WDR48: variants seen among roughly 807,000 people sequenced by gnomAD.
WDR48 encodes WD repeat domain 48.
WDR48 carries 22 observed loss-of-function variants against 94.0 expected under a neutral mutation model. The ratio of observed to expected loss-of-function variants is 0.23; its 90% CI spans 0.17 to 0.33. The LOEUF is 0.33. WDR48 is among the 10% of genes least tolerant of loss of function. WDR48 has a pLI of 1.00. For missense variants in WDR48, 541 were observed against 813.8 expected (o/e 0.66, Z 4.08); for synonymous variants, 278 against 280.5 (o/e 0.99, Z 0.09).
intron 7 of WDR48, among the ~76,000 whole-genome samples, chr3:39,070,896 T>C (rs1179973708): frequency 1.3e-5 from 2 of 152,092 alleles, no homozygotes; most frequent in East Asian, 1.9e-4. Context: ...TGTGTTCTTA[T>C]TGTTCAGTTC....
In WDR48 at chr3:39,080,035, A is replaced by G. The variant is rs573460696; in HGVS notation, c.1173+227A>G. 3.3e-3 allele frequency among the ~76,000 whole-genome samples: 506 copies of G among 152,156 alleles called. 2 individuals are homozygous for G. The highest frequency in any genetic ancestry group is 8.6e-3 in the Admixed American group (131 of 15,294). ...TTTCTCTGGTTAGTGTATTGCAGAC[A>G]ATCTTATATGCTGCCTTACCTTAAA... On this transcript the variant is annotated intron_variant, in intron 11 of 18. Coordinates refer to ENST00000302313, the MANE Select transcript of WDR48 (RefSeq NM_020839.4).
At chr3:39,053,807 A>G (rs972664760) in intron 1 of WDR48, among the ~76,000 whole-genome samples, 1 of 152,230 alleles carries the variant, frequency 6.6e-6, no homozygotes, top group East Asian at 1.9e-4. Flanking sequence ...AATTAACTGC[A>G]GCAGGTTTGG....
chr3:39,062,040 C>A (rs983038668), intron 1 of WDR48, among the ~76,000 whole-genome samples: 4 of 152,110 alleles, frequency 2.6e-5, no homozygotes, highest in African/African-American at 9.7e-5. Context: ...AATTTTCTCC[C>A]ATTCTGTAGG....
chr3:39,052,724 T>G (rs2032541390), intron 1 of WDR48: 1 of 152,402 alleles, frequency 6.6e-6, no homozygotes, highest in African/African-American at 2.4e-5. Context: ...CTTTATTGTT[T>G]GTGTAATTTA....
At chr3:39,065,517 G>C (rs1393851484) in intron 2 of WDR48, among the ~76,000 whole-genome samples, 1 of 151,134 alleles carries the variant, frequency 6.6e-6, no homozygotes, top group Non-Finnish European at 1.5e-5. Flanking sequence ...GTCACACACA[G>C]TGCCTAGTCC....
chr3:39,069,886 C>T (rs2033832480), intron 7 of WDR48, 142 bp downstream of exon 7: 1 of 576,718 alleles, frequency 1.7e-6, no homozygotes, highest in South Asian at 3.0e-5. Flanking sequence ...TACTAAATTG[C>T]ACATATAAGC....
At chr3:39,091,370 C>A (rs192508945) in intron 16 of WDR48, 1 of 235,550 alleles carries the variant, frequency 4.2e-6, no homozygotes, top group Admixed American at 5.7e-5. Context: ...AAGTTTGTTT[C>A]CCTTTAATAC....
rs552492337 is a variant in WDR48 at position 39,089,353 on chromosome 3, T to G, written c.1668+35T>G. 5 of 1,588,816 alleles carry G rather than the reference T, an allele frequency of 3.1e-6. No individual in the cohort carries two copies. In the African/African-American group the frequency reaches 6.7e-5, roughly 21 times the overall value. On this transcript the variant is annotated intron_variant, in intron 16 of 18. Transcript: ENST00000302313. The stretch of plus-strand genomic sequence containing the variant: ...CTCCACTCCCACTTTGCTCTTTTAT[T>G]TTTTTGTAACTCATGAAATTAAGAA...
intron 11 of WDR48, among the ~76,000 whole-genome samples, chr3:39,080,396 C>T (rs2125670925): frequency 6.6e-6 from 1 of 152,344 alleles, no homozygotes; most frequent in East Asian, 1.9e-4. Context: ...ATAACTCCTT[C>T]TGGGACAGTT....
At chr3:39,071,378 G>A (rs2033927248) in intron 7 of WDR48, among the ~76,000 whole-genome samples, 1 of 152,168 alleles carries the variant, frequency 6.6e-6, no homozygotes. Flanking sequence ...GTTTTGCAGT[G>A]TAGCTGCAAG....
At chr3:39,066,465 A>G in intron 3 of WDR48, 83 bp from the exon 4 acceptor site, 2 of 1,167,714 alleles carry the variant, frequency 1.7e-6, no homozygotes, top group South Asian at 2.8e-5. Flanking sequence ...TTAGTTTGAA[A>G]TAATGTTACA....
At chr3:39,084,104 A>G in intron 11 of WDR48, 51 bp from the exon 12 acceptor site, 1 of 1,413,134 alleles carries the variant, frequency 7.1e-7, no homozygotes, top group Non-Finnish European at 9.7e-7. Context: ...AGTCAGAATC[A>G]AGTGAATTCA....
At chr3:39,052,100 C>T in intron 1 of WDR48, 27 bp downstream of exon 1, 1 of 1,612,586 alleles carries the variant, frequency 6.2e-7, no homozygotes, top group Non-Finnish European at 8.5e-7. Flanking sequence ...CCTCGGTCTT[C>T]CGGACGCGGC....
chr3:39,078,618 CTTG>C (rs1365041827), intron 10 of WDR48, among the ~76,000 whole-genome samples: 3 of 151,958 alleles, frequency 2.0e-5, no homozygotes, highest in Admixed American at 1.3e-4. Flanking sequence ...GGGGTTTCAT[CTTG>C]TTGGCCAGGC....
chr3:39,077,038 C>A (rs577948028), intron 8 of WDR48, 101 bp from the exon 9 acceptor site: 6 of 1,324,248 alleles, frequency 4.5e-6, no homozygotes, highest in Non-Finnish European at 6.4e-6. Flanking sequence ...ATAGTCACCA[C>A]AATTGTTGAA....
At chr3:39,076,678 C>T (rs1483239499) in intron 8 of WDR48, among the ~76,000 whole-genome samples, 1 of 152,168 alleles carries the variant, frequency 6.6e-6, no homozygotes, top group Non-Finnish European at 1.5e-5. Context: ...GAAGAATATA[C>T]AGTAAGCTAT....
intron 1 of WDR48, among the ~76,000 whole-genome samples, chr3:39,058,312 G>A (rs1049962149): frequency 1.1e-4 from 17 of 152,204 alleles, no homozygotes; most frequent in African/African-American, 2.9e-4. Flanking sequence ...ACAGATGTGC[G>A]TGCTAGAATT....
intron 1 of WDR48, among the ~76,000 whole-genome samples, chr3:39,060,443 C>CAT (rs149581548): frequency 0.1 from 15,730 of 151,290 alleles, 873 homozygotes; most frequent in Admixed American, 0.14. Context: ...TATATGCACA[C>CAT]ACACACATCA....
At chr3:39,094,145 G>T (rs2035222617) in intron 18 of WDR48, 79 bp downstream of exon 18, 1 of 1,522,594 alleles carries the variant, frequency 6.6e-7, no homozygotes, top group East Asian at 2.3e-5. Flanking sequence ...TGGGTGGGGG[G>T]CTTCTACTTT....
Sources: allele counts gnomAD v4.1 joint callset (sites outside exome capture counted in the v4.1 genomes callset), GRCh38; gene constraint gnomAD v4.1.1; transcripts MANE v1.5; gene names NCBI Gene and HGNC (gene_info 2026-07-23, HGNC 2026-07-21).